AIDA: variants seen among roughly 807,000 people sequenced by gnomAD.
AIDA encodes axin interactor, dorsalization associated.
AIDA carries 18 observed loss-of-function variants against 42.7 expected under a neutral mutation model. The observed-to-expected ratio is 0.42, with a 90% CI of 0.29 to 0.63. AIDA has a LOEUF of 0.63. Ranked by LOEUF, AIDA falls within the 20% of genes least tolerant of loss-of-function variation. The pLI is 0.19. For synonymous variants in AIDA, 104 were observed against 122.9 expected, an observed-to-expected ratio of 0.85 and a Z score of 1.02; for missense variants, 250 against 354.1, an observed-to-expected ratio of 0.71 and a Z score of 2.36.
intron 6 of AIDA, among the ~76,000 whole-genome samples, chr1:222,678,927 T>C (rs1664604362): frequency 6.6e-6 from 1 of 152,352 alleles, no homozygotes; most frequent in South Asian, 2.1e-4. Context: ...ATGTACTTTT[T>C]TTGGCTCTGT....
intron 6 of AIDA, among the ~76,000 whole-genome samples, chr1:222,682,587 A>AAT (rs1418666569): frequency 3.3e-5 from 5 of 152,174 alleles, no homozygotes; most frequent in Non-Finnish European, 7.3e-5. Flanking sequence ...TACATATGAT[A>AAT]ATATATATAC....
rs1403105446 is a variant in AIDA at position 222,668,659 on chromosome 1, T to A, written c.*1234A>T. On this transcript the variant is annotated 3_prime_UTR_variant, in exon 10 of 10. Coordinates refer to ENST00000340020, the MANE Select transcript of AIDA (RefSeq NM_022831.4). ...TATGACTAGGGTGATTACACTAGTT[T>A]AAAAATAGGCCAGGTACTGACACTG... 4.2e-4 allele frequency: 42 copies of A among 99,824 alleles called. No individual in the cohort carries two copies. The highest frequency in any genetic ancestry group is 1.6e-3 in the African/African-American group (40 of 24,936). The allele number at this position is 99,824 out of a possible 1,614,324, so 6.2% of individuals were successfully genotyped here. A position where few individuals can be genotyped will look rare whatever the true frequency, so the allele number is the denominator to read the frequency against.
At chr1:222,703,917 C>G (rs1298247775) in intron 1 of AIDA, among the ~76,000 whole-genome samples, 2 of 152,112 alleles carry the variant, frequency 1.3e-5, no homozygotes, top group African/African-American at 4.8e-5. Flanking sequence ...TTGTAAAAGT[C>G]AACCCTCTTA....
At chr1:222,685,478 C>G (rs1163526505) in intron 6 of AIDA, among the ~76,000 whole-genome samples, 1 of 152,154 alleles carries the variant, frequency 6.6e-6, no homozygotes, top group Admixed American at 6.5e-5. Flanking sequence ...ATTCAAAATA[C>G]TGGAATATTA....
intron 4 of AIDA, among the ~76,000 whole-genome samples, chr1:222,689,933 T>A (rs80237958): frequency 0.021 from 3,150 of 152,146 alleles, 100 homozygotes; most frequent in African/African-American, 0.072. Flanking sequence ...AGGCATACCA[T>A]TTTATTATCT....
chr1:222,675,414 ATGT>A (rs1182295529), intron 7 of AIDA, among the ~76,000 whole-genome samples: 2 of 152,240 alleles, frequency 1.3e-5, no homozygotes, highest in African/African-American at 4.8e-5. Context: ...AAGACTGAAA[ATGT>A]TGTTTTTAAG....
chr1:222,683,156 AT>A (rs1664682408), intron 6 of AIDA, among the ~76,000 whole-genome samples: 1 of 151,988 alleles, frequency 6.6e-6, no homozygotes, highest in Admixed American at 6.5e-5. Flanking sequence ...TTGAAATAAT[AT>A]CGTATGTAGG....
At chr1:222,704,176 C>G (rs565223392) in intron 1 of AIDA, among the ~76,000 whole-genome samples, 21 of 152,082 alleles carry the variant, frequency 1.4e-4, no homozygotes, top group Non-Finnish European at 2.2e-4. Context: ...GAGAAGACAA[C>G]AGGTACTGAC....
intron 2 of AIDA, among the ~76,000 whole-genome samples, chr1:222,700,630 C>G (rs1403731495): frequency 6.6e-6 from 1 of 151,970 alleles, no homozygotes; most frequent in Non-Finnish European, 1.5e-5. Context: ...GTGGCGGGCG[C>G]CTTAGTCCCA....
chr1:222,712,418 A>G lies in AIDA; in HGVS notation c.-101T>C. On this transcript the variant is annotated 5_prime_UTR_variant, in exon 1 of 10. Coordinates refer to ENST00000340020, the MANE Select transcript of AIDA (RefSeq NM_022831.4). Reference sequence around the variant, plus strand: ...TGGCCCCGACATTAACAGGGCCAGGAGGAACCGCTACGGCCACCACCGCCA... The same window carrying G: ...TGGCCCCGACATTAACAGGGCCAGGGGGAACCGCTACGGCCACCACCGCCA... 1.4e-6 allele frequency: 2 copies of G among 1,439,892 alleles called. No individual in the cohort carries two copies. Among genetic ancestry groups the G allele is most frequent in the South Asian group, 2.9e-5 (2 of 67,862 alleles). 89.2% of individuals were successfully genotyped at this position (1,439,892 alleles called of 1,614,324 possible).
Position 222,712,153 on chromosome 1 carries a change from GGGAGAGGCGCACGACTGGA to G in AIDA, c.110+36_110+54del. ...TGATGAGAGACACCGACAGAAACAA[GGGAGAGGCGCACGACTGGA>G]GCCGGTCTGGCCTGCTCCCGCGGTT... is the stretch of plus-strand genomic sequence containing the variant. On this transcript the variant is annotated intron_variant, in intron 1 of 9. Transcript: ENST00000340020. 4 of 1,551,870 alleles carry G rather than the reference GGGAGAGGCGCACGACTGGA, an allele frequency of 2.6e-6. No individual in the cohort carries two copies. The South Asian group carries it at 4.8e-5, about 18-fold the overall frequency.
intron 1 of AIDA, among the ~76,000 whole-genome samples, chr1:222,704,891 T>G (rs1285414822): frequency 2.0e-5 from 3 of 152,170 alleles, no homozygotes; most frequent in Admixed American, 1.3e-4. Context: ...TATGTACTAT[T>G]CTGGGTGGGC....
At chr1:222,680,937 T>G (rs548292627) in intron 6 of AIDA, among the ~76,000 whole-genome samples, 2 of 152,078 alleles carry the variant, frequency 1.3e-5, no homozygotes, top group Non-Finnish European at 2.9e-5. Flanking sequence ...GTATAAGAAA[T>G]TTAAAAGGCT....
rs1403077642 is a variant in AIDA, at chr1:222,671,113, G to A, written c.707-863C>T. Among the ~76,000 whole-genome samples the A allele has an allele frequency of 3.9e-5, 6 of 152,110 alleles. No homozygotes were observed. In the East Asian group the frequency reaches 1.2e-3, roughly 29 times the overall value. On this transcript the variant is annotated intron_variant, in intron 8 of 9. Transcript: ENST00000340020. ...TCGGTGGCACGTGCCTGTACTCCCAGCTACTCGGGAGGCTGAGTTGGTAGG... is the reference window on the plus strand; with the variant it reads ...TCGGTGGCACGTGCCTGTACTCCCAACTACTCGGGAGGCTGAGTTGGTAGG...
rs1664368035 is a variant in AIDA at position 222,668,021 on chromosome 1, A to G, written c.*1872T>C. The G allele has an allele frequency of 6.6e-6, 1 of 152,346 alleles. No homozygotes were observed. The highest frequency in any genetic ancestry group is 2.1e-4 in the South Asian group (1 of 4,832). 9.4% of individuals were successfully genotyped at this position (152,346 alleles called of 1,614,324 possible). On this transcript the variant is annotated 3_prime_UTR_variant, in exon 10 of 10. Coordinates refer to ENST00000340020, the MANE Select transcript of AIDA (RefSeq NM_022831.4). ...AAGTTAATCACACAGTGTTCAATTT[A>G]AGCTTCTTTAATGTTGATGAAAGGT...
chr1:222,677,516 A>G (rs935341921), intron 6 of AIDA, among the ~76,000 whole-genome samples: 1 of 152,192 alleles, frequency 6.6e-6, no homozygotes, highest in African/African-American at 2.4e-5. Flanking sequence ...AAAGCTTTCC[A>G]TTTTATCATT....
At chr1:222,694,304 A>G (rs199819182) in intron 2 of AIDA, 41 bp from the exon 3 acceptor site, 16 of 1,493,386 alleles carry the variant, frequency 1.1e-5, no homozygotes, top group African/African-American at 1.4e-5. Context: ...CAGAATTATC[A>G]TAACTGTTAG....
At position 222,673,470 on chromosome 1, in the gene AIDA, CA is replaced by C. The variant is rs1487764177; in HGVS notation, c.584-36del. The C allele has an allele frequency of 2.0e-6, 3 of 1,524,164 alleles. No individual in the cohort carries two copies. In the East Asian group the frequency reaches 7.0e-5, roughly 35 times the overall value. The allele number at this position is 1,524,164 out of a possible 1,614,324, so 94.4% of individuals were successfully genotyped here. On this transcript the variant is annotated intron_variant, in intron 7 of 9. Transcript: ENST00000340020. ...AAAGAAGTTTCTCTTTAGGAACATT[CA>C]AATATACAGACTTAAAAACTGCAGG...
intron 2 of AIDA, 50 bp from the exon 3 acceptor site, chr1:222,694,313 A>G (rs1357422092): frequency 1.4e-6 from 2 of 1,397,742 alleles, no homozygotes; most frequent in Non-Finnish European, 2.0e-6. Flanking sequence ...CATAACTGTT[A>G]GTTCAAATCA....
Sources: allele counts gnomAD v4.1 joint callset (sites outside exome capture counted in the v4.1 genomes callset), GRCh38; gene constraint gnomAD v4.1.1; transcripts MANE v1.5; gene names NCBI Gene and HGNC (gene_info 2026-07-23, HGNC 2026-07-21).